The following TBX18 variants were observed in gnomAD, a reference collection of about 807,000 sequenced individuals.
TBX18 encodes T-box transcription factor TBX18.
In TBX18, 21 loss-of-function variants were observed where a neutral mutation model predicts 55.0. The observed-to-expected ratio is 0.38, with a 90% confidence interval of 0.27 to 0.55. TBX18 has a LOEUF of 0.55. Ranked by LOEUF, TBX18 falls within the 20% of genes least tolerant of loss-of-function variation. TBX18 has a pLI of 0.73. For missense variants in TBX18, 840 were observed against 799.6 expected (o/e 1.05, Z -0.61); for synonymous variants, 342 against 326.1 (o/e 1.05, Z -0.53).
At chr6:84,743,558 T>A (rs1163584842) in intron 6 of TBX18, among the ~76,000 whole-genome samples, 6 of 152,204 alleles carry the variant, frequency 3.9e-5, no homozygotes, top group African/African-American at 1.4e-4. Context: ...TATTACTCTC[T>A]ATTACTACTT....
At chr6:84,741,741 T>C (rs1216891714) in intron 6 of TBX18, 1 of 152,140 alleles carries the variant, frequency 6.6e-6, no homozygotes, top group Non-Finnish European at 1.5e-5. Flanking sequence ...TAAAGAAATA[T>C]GTTAAACTTT....
chr6:84,738,405 G>A, intron 7 of TBX18, 92 bp downstream of exon 7: 2 of 950,002 alleles, frequency 2.1e-6, no homozygotes, highest in South Asian at 2.6e-5. Flanking sequence ...GGTCATTATT[G>A]TAAGTATAAA....
chr6:84,742,765 A>C (rs1767080374), intron 6 of TBX18, among the ~76,000 whole-genome samples: 1 of 152,126 alleles, frequency 6.6e-6, no homozygotes, highest in African/African-American at 2.4e-5. Flanking sequence ...TTAAGAAAAA[A>C]AAACTGAAAG....
chr6:84,749,730 T>G (rs1452166736), intron 4 of TBX18, among the ~76,000 whole-genome samples: 1 of 152,078 alleles, frequency 6.6e-6, no homozygotes, highest in Non-Finnish European at 1.5e-5. Context: ...GGGAAGAATT[T>G]TAATGACCCA....
At position 84,760,268 on chromosome 6, in the gene TBX18, T is replaced by G. The variant is rs1404814564; in HGVS notation, c.586A>C (p.Asn196His). The change falls in exon 3 of 8, where the codon AAC (asparagine) becomes CAC (histidine). Residue 196 changes from asparagine (N) to histidine (H), a missense_variant. By Grantham distance (68) the Asn-to-His change is moderately conservative. Transcript: ENST00000369663. ...TAATCACTGTACCTGTATCTTTTGTTGTCCACTGGTACAATATCCATGGCA... is the reference window on the plus strand; with the variant it reads ...TAATCACTGTACCTGTATCTTTTGTGGTCCACTGGTACAATATCCATGGCA... ...YIAMDIVPVD[N>H]KRYRYVYHSS... The G allele has an allele frequency of 1.3e-6, 2 of 1,593,470 alleles. No homozygotes were observed. The highest frequency in any genetic ancestry group is 4.5e-5 in the East Asian group (2 of 44,638).
chr6:84,763,929 G>GCCCAGACGTCGC lies in TBX18; in HGVS notation c.241_252dup (p.Ala81_Gly84dup). The GCCCAGACGTCGC allele has an allele frequency of 6.3e-7, 1 of 1,575,264 alleles. No homozygotes were observed. Among genetic ancestry groups the GCCCAGACGTCGC allele is most frequent in the Non-Finnish European group, 8.6e-7 (1 of 1,166,462 alleles). On this transcript the variant is annotated inframe_insertion, in exon 1 of 8. Coordinates refer to ENST00000369663, the MANE Select transcript of TBX18 (RefSeq NM_001080508.3). ...TCCAGGTCTGCGCCACTCCGAGCCG[G>GCCCAGACGTCGC]CCCAGACGTCGCCCCAGCCGGCGGC...
chr6:84,762,589 C>A lies in TBX18; in HGVS notation c.452G>T (p.Arg151Leu), dbSNP rs201883996. 108 of 1,613,900 alleles carry A rather than the reference C, an allele frequency of 6.7e-5. No individual in the cohort carries two copies. The highest frequency in any genetic ancestry group is 8.7e-5 in the Non-Finnish European group (103 of 1,179,962). ...VDLQGAELWK[R>L]FHEIGTEMII... The stretch of plus-strand genomic sequence containing the variant: ...CATCTCAGTGCCTATCTCATGAAAG[C>A]GCTTCCAGAGCTCGGCTCCCTGCAG... Residue 151 changes from arginine to leucine, a missense_variant, in exon 2 of 8, where the codon CGC becomes CTC. Arg to Leu is a moderately radical substitution (Grantham distance 102). Transcript: ENST00000369663.
intron 1 of TBX18, chr6:84,763,320 T>C: frequency 6.6e-6 from 3 of 451,902 alleles, no homozygotes; most frequent in South Asian, 3.1e-5. Flanking sequence ...CCCGGCGCCC[T>C]GCGCTTCCAG....
intron 4 of TBX18, among the ~76,000 whole-genome samples, chr6:84,755,708 T>C (rs1767468981): frequency 6.6e-6 from 1 of 152,332 alleles, no homozygotes; most frequent in Admixed American, 6.5e-5. Context: ...ATCTTACTAG[T>C]TGCATCTTAA....
intron 4 of TBX18, among the ~76,000 whole-genome samples, chr6:84,752,231 G>A (rs964465846): frequency 3.3e-5 from 5 of 151,740 alleles, no homozygotes; most frequent in South Asian, 2.1e-4. Flanking sequence ...CTGATGAGTC[G>A]AAAGAGCCTG....
At chr6:84,755,188 A>G (rs541192341) in intron 4 of TBX18, among the ~76,000 whole-genome samples, 2 of 152,298 alleles carry the variant, frequency 1.3e-5, no homozygotes, top group Admixed American at 1.3e-4. Context: ...TAGATAGAAA[A>G]CCAGTAATTT....
intron 5 of TBX18, among the ~76,000 whole-genome samples, chr6:84,746,097 T>A (rs1767177371): frequency 6.6e-6 from 1 of 152,132 alleles, no homozygotes; most frequent in Non-Finnish European, 1.5e-5. Context: ...CTGTCCATCA[T>A]CTTAATCAAC....
Position 84,734,327 on chromosome 6 carries a change from C to T in TBX18, c.*2358G>A, listed in dbSNP as rs1773882194. Reference sequence around the variant, plus strand: ...TGAAACATGAACAGCAGGCCCATTTCTTTCTGCCATGTATTTGAGAGGTAC... The same window carrying T: ...TGAAACATGAACAGCAGGCCCATTTTTTTCTGCCATGTATTTGAGAGGTAC... On this transcript the variant is annotated 3_prime_UTR_variant, in exon 8 of 8. Transcript: ENST00000369663. 6.6e-6 allele frequency: 1 copy of T among 152,158 alleles called. No homozygotes were observed. The highest frequency in any genetic ancestry group is 2.4e-5 in the African/African-American group (1 of 41,424). The allele number at this position is 152,158 out of a possible 1,614,324, so 9.4% of individuals were successfully genotyped here. A position where few individuals can be genotyped will look rare whatever the true frequency, so the allele number is the denominator to read the frequency against.
rs974623808 is a variant in TBX18 at position 84,737,141 on chromosome 6, G to A, written c.1368C>T (p.Ser456=). ...AGGTGCTGCTGCTCACGCCCACATAGGAGGGAGTCCTGGGCGGGGCAAAGG... is the reference window on the plus strand; with the variant it reads ...AGGTGCTGCTGCTCACGCCCACATAAGAGGGAGTCCTGGGCGGGGCAAAGG... ...GETFAPPRTP[S]YVGVSSSTSV... is the part of the protein sequence containing the mutation. The change falls in exon 8 of 8, where the codon TCC becomes TCT. Residue 456 remains serine (S), a synonymous_variant. Transcript: ENST00000369663. 9 of 1,614,058 alleles carry A rather than the reference G, an allele frequency of 5.6e-6. No individual in the cohort carries two copies. The African/African-American group carries it at 8.0e-5, about 14-fold the overall frequency.
Position 84,736,952 on chromosome 6 carries a change from A to G in TBX18, c.1557T>C (p.Asn519=). 1 of 1,609,462 alleles carries G rather than the reference A, an allele frequency of 6.2e-7. No homozygotes were observed. The highest frequency in any genetic ancestry group is 8.5e-7 in the Non-Finnish European group (1 of 1,177,204). The change falls in exon 8 of 8, where the codon AAT becomes AAC. Residue 519 remains asparagine, a synonymous_variant. Coordinates refer to ENST00000369663, the MANE Select transcript of TBX18 (RefSeq NM_001080508.3). ...CACAGGGGCTGTGTAATCTAAAAGT[A>G]TTATAGGAACCCTGATGGGTCTGGT... The part of the protein sequence containing the change: ...ATNQTHQGSY[N]TFRLHSPCAL...
At chr6:84,749,570 T>C (rs1219746143) in intron 4 of TBX18, among the ~76,000 whole-genome samples, 4 of 151,080 alleles carry the variant, frequency 2.6e-5, no homozygotes, top group Non-Finnish European at 5.9e-5. Context: ...AACCAGACAC[T>C]CTAGGAGAGG....
At chr6:84,758,310 A>C (rs1279832410) in intron 3 of TBX18, among the ~76,000 whole-genome samples, 1 of 151,384 alleles carries the variant, frequency 6.6e-6, no homozygotes, top group Non-Finnish European at 1.5e-5. Context: ...CGGGAGGCTG[A>C]GGCAGGAGAA....
chr6:84,747,547 T>C (rs1168244401), intron 5 of TBX18, among the ~76,000 whole-genome samples: 2 of 152,230 alleles, frequency 1.3e-5, no homozygotes, highest in Non-Finnish European at 2.9e-5. Flanking sequence ...ATTTTTAGAA[T>C]GTAGTTTAAA....
At chr6:84,749,089 G>T (rs1424980472) in intron 4 of TBX18, among the ~76,000 whole-genome samples, 4 of 152,056 alleles carry the variant, frequency 2.6e-5, no homozygotes, top group African/African-American at 9.7e-5. Context: ...AATTGTGAGT[G>T]AATTTTGTCT....
Sources: gnomAD v4.1 joint callset for allele counts (sites outside exome capture counted in the v4.1 genomes callset) on GRCh38, gnomAD v4.1.1 for gene constraint, MANE v1.5 for transcripts, NCBI Gene and HGNC (gene_info 2026-07-23, HGNC 2026-07-21) for gene names.